The following CCDC180 variants were observed in gnomAD, a reference collection of about 807,000 sequenced individuals.
CCDC180 encodes coiled-coil domain-containing protein 180.
In CCDC180, 154 loss-of-function variants were observed where a neutral mutation model predicts 209.2. That is an observed-to-expected ratio of 0.74 (90% CI 0.65 to 0.84). The LOEUF (loss-of-function observed/expected upper bound fraction) is 0.84. Ranked by LOEUF, CCDC180 falls within the 40% of genes least tolerant of loss-of-function variation. The pLI, the probability that CCDC180 is intolerant of heterozygous loss-of-function variation, is 0.00. For synonymous variants in CCDC180, 778 were observed against 749.1 expected, an observed-to-expected ratio of 1.04 and a Z score of -0.63; for missense variants, 1,874 against 1,997.3, an observed-to-expected ratio of 0.94 and a Z score of 1.18.
intron 10 of CCDC180, among the ~76,000 whole-genome samples, chr9:97,318,877 G>A (rs963653119): frequency 6.6e-6 from 1 of 152,158 alleles, no homozygotes; most frequent in South Asian, 2.1e-4. Context: ...TGGCCAGGTG[G>A]AGGGATTTGG....
At chr9:97,309,893 C>T (rs868199376) in intron 3 of CCDC180, among the ~76,000 whole-genome samples, 2 of 152,178 alleles carry the variant, frequency 1.3e-5, no homozygotes, top group Admixed American at 6.5e-5. Flanking sequence ...CACATCCCCC[C>T]AATGGCAGAA....
rs532225203 is a variant in CCDC180, at chr9:97,377,256, T to C, written c.*362T>C. 2 of 169,404 alleles carry C rather than the reference T, an allele frequency of 1.2e-5. No homozygotes were observed. Among genetic ancestry groups the C allele is most frequent in the South Asian group, 3.2e-4 (2 of 6,262 alleles). 10.5% of individuals were successfully genotyped at this position (169,404 alleles called of 1,614,324 possible). A position where few individuals can be genotyped will look rare whatever the true frequency, so the allele number is the denominator to read the frequency against. On this transcript the variant is annotated 3_prime_UTR_variant, in exon 37 of 37. Coordinates refer to ENST00000529487, the MANE Select transcript of CCDC180 (RefSeq NM_020893.6). ...ATAAAGGTCATGGGAAAATGATATT[T>C]TAATTTAACAGAATAAACAAGTATG...
upstream of CCDC180, chr9:97,307,432 G>T (rs1046317211): frequency 1.7e-6 from 1 of 581,380 alleles, no homozygotes; most frequent in African/African-American, 1.8e-5. Context: ...CAATCTACCG[G>T]GCTCAGGGGG....
intron 3 of CCDC180, among the ~76,000 whole-genome samples, chr9:97,311,424 G>A (rs1278731213): frequency 3.3e-5 from 5 of 152,326 alleles, no homozygotes; most frequent in Admixed American, 1.3e-4. Context: ...CATATGGGGC[G>A]CCCAAGGAAT....
intron 25 of CCDC180, among the ~76,000 whole-genome samples, chr9:97,358,889 A>C (rs1454106502): frequency 6.6e-6 from 1 of 152,190 alleles, no homozygotes. Context: ...ATTAGCACTG[A>C]GAGGATGTTT....
rs1340211180 is a variant in CCDC180, at chr9:97,354,439, G to A, written c.3003-130G>A. ...CTACTCCTGTCCTTAAGCTATCTGT[G>A]TTCATTTTCCCACATCTTGAACTCT... On this transcript the variant is annotated intron_variant, in intron 22 of 36. Coordinates refer to ENST00000529487, the MANE Select transcript of CCDC180 (RefSeq NM_020893.6). 4.5e-6 allele frequency: 4 copies of A among 895,192 alleles called. No individual in the cohort carries two copies. In the African/African-American group the frequency reaches 5.1e-5, roughly 11 times the overall value. 55.5% of individuals were successfully genotyped at this position (895,192 alleles called of 1,614,324 possible). A position where few individuals can be genotyped will look rare whatever the true frequency, so the allele number is the denominator to read the frequency against.
In CCDC180 at chr9:97,350,534, T is replaced by C; in HGVS notation, c.2981T>C (p.Ile994Thr). 1.3e-6 allele frequency: 2 copies of C among 1,536,510 alleles called. No homozygotes were observed. Among genetic ancestry groups the C allele is most frequent in the Non-Finnish European group, 1.7e-6 (2 of 1,147,016 alleles). The part of the protein sequence containing the change: ...ESLGKLRYSN[I>T]EFIKHCRLFS... The stretch of plus-strand genomic sequence containing the variant: ...CTGGGCAAACTCCGCTACTCAAATA[T>C]TGAGTTCATCAAACACTGCAGGTGG... Residue 994 changes from isoleucine (I) to threonine (T), a missense_variant, in exon 22 of 37, where the codon ATT (isoleucine) becomes ACT (threonine). By Grantham distance (89) the Ile-to-Thr change is moderately conservative. Coordinates refer to ENST00000529487, the MANE Select transcript of CCDC180 (RefSeq NM_020893.6).
chr9:97,313,925 T>G (rs577419122), intron 5 of CCDC180, among the ~76,000 whole-genome samples: 7 of 152,338 alleles, frequency 4.6e-5, no homozygotes, highest in African/African-American at 1.7e-4. Flanking sequence ...TTGTCCTGCC[T>G]TGGATTCCTG....
chr9:97,370,353 T>C (rs1205326343), intron 32 of CCDC180, among the ~76,000 whole-genome samples: 1 of 152,166 alleles, frequency 6.6e-6, no homozygotes, highest in Non-Finnish European at 1.5e-5. Flanking sequence ...CAGCAATAAT[T>C]GTCCACACTG....
rs531569302 is a variant in CCDC180 at position 97,312,049 on chromosome 9, G to A, written c.261-64G>A. On this transcript the variant is annotated intron_variant, in intron 3 of 36. Transcript: ENST00000529487. ...GAGAACCACCCCTTGGTGCCCTTAT[G>A]TGCCAGAGCTGCCATGGATGGCATC... 2.9e-5 allele frequency: 42 copies of A among 1,432,436 alleles called. No individual in the cohort carries two copies. In the African/African-American group the frequency reaches 3.2e-4, roughly 11 times the overall value. The allele number at this position is 1,432,436 out of a possible 1,614,324, so 88.7% of individuals were successfully genotyped here.
chr9:97,317,341 C>T, intron 9 of CCDC180, 113 bp downstream of exon 9: 1 of 995,154 alleles, frequency 1.0e-6, no homozygotes, highest in Non-Finnish European at 1.4e-6. Context: ...CTGTTTCTCT[C>T]TGCTCTTTTT....
At chr9:97,335,153 T>C (rs1825864035) in intron 18 of CCDC180, among the ~76,000 whole-genome samples, 2 of 152,182 alleles carry the variant, frequency 1.3e-5, no homozygotes, top group Admixed American at 6.5e-5. Context: ...TTAAAAACTC[T>C]TTCCCATTTC....
chr9:97,320,142 A>G lies in CCDC180; in HGVS notation c.1096A>G (p.Ser366Gly), dbSNP rs534339787. Residue 366 changes from serine (S) to glycine (G), a missense_variant, in exon 11 of 37, where the codon AGT (serine) becomes GGT (glycine). By Grantham distance (56) the Ser-to-Gly change is moderately conservative (BLOSUM62 0). Transcript: ENST00000529487. ...CCTTCCCAGTGACCTCCTGCCCCCC[A>G]GTTACAGCAAAACTCAGCTGACTGA... ...LCTICDLLPP[S>G]YSKTQLTEWH... 7.1e-5 allele frequency: 115 copies of G among 1,614,062 alleles called. No individual in the cohort carries two copies. Among genetic ancestry groups the G allele is most frequent in the Non-Finnish European group, 8.6e-5 (102 of 1,180,010 alleles).
rs1827311783 is a variant in CCDC180 at position 97,378,483 on chromosome 9, A to C, written c.*1589A>C. 1 of 152,208 alleles carries C rather than the reference A, an allele frequency of 6.6e-6. No homozygotes were observed. The allele number at this position is 152,208 out of a possible 1,614,324, so 9.4% of individuals were successfully genotyped here. On this transcript the variant is annotated 3_prime_UTR_variant, in exon 37 of 37. Coordinates refer to ENST00000529487, the MANE Select transcript of CCDC180 (RefSeq NM_020893.6). ...TGAGACCAACAGGTCACAGGACAGC[A>C]CTTAACCTTACTAGAAAGGCTGCTT...
rs781011335 is a variant in CCDC180, at chr9:97,330,580, T to C, written c.2087T>C (p.Met696Thr). 1.9e-6 allele frequency: 3 copies of C among 1,613,586 alleles called. No individual in the cohort carries two copies. The highest frequency in any genetic ancestry group is 2.5e-6 in the Non-Finnish European group (3 of 1,179,962). ...KEGSIQGLEE[M>T]QVEREGSLNP... Reference sequence around the variant, plus strand: ...GGCTCTATTCAGGGACTGGAAGAAATGCAGGTTGAAAGAGAGGGCTCCTTA... The same window carrying C: ...GGCTCTATTCAGGGACTGGAAGAAACGCAGGTTGAAAGAGAGGGCTCCTTA... Residue 696 changes from methionine to threonine, a missense_variant, in exon 18 of 37, where the codon ATG becomes ACG. By Grantham distance (81) the Met-to-Thr change is moderately conservative. Coordinates refer to ENST00000529487, the MANE Select transcript of CCDC180 (RefSeq NM_020893.6).
chr9:97,366,020 A>G lies in CCDC180; in HGVS notation c.4047+281A>G, dbSNP rs559636873. ...CAAGCCCATCCTCTGTCCCCAAGGCACCCAGGCCCAGTGGAAAGCTGACAG... is the reference window on the plus strand; with the variant it reads ...CAAGCCCATCCTCTGTCCCCAAGGCGCCCAGGCCCAGTGGAAAGCTGACAG... On this transcript the variant is annotated intron_variant, in intron 30 of 36. Coordinates refer to ENST00000529487, the MANE Select transcript of CCDC180 (RefSeq NM_020893.6). The surrounding 1 kb of genome is among the most constrained non-coding windows in gnomAD (Gnocchi z 4.3). 6.6e-6 allele frequency among the ~76,000 whole-genome samples: 1 copy of G among 152,300 alleles called. No individual in the cohort carries two copies. The highest frequency in any genetic ancestry group is 2.1e-4 in the South Asian group (1 of 4,824).
intron 35 of CCDC180, among the ~76,000 whole-genome samples, chr9:97,375,228 C>G (rs1425888447): frequency 1.3e-5 from 2 of 152,204 alleles, no homozygotes; most frequent in Non-Finnish European, 1.5e-5. Context: ...TCCCCTTCCC[C>G]CCCCAGAACC....
rs1587812985 is a variant in CCDC180 at position 97,342,166 on chromosome 9, C to T, written c.2275-1174C>T. On this transcript the variant is annotated intron_variant, in intron 18 of 36. Transcript: ENST00000529487. Reference sequence around the variant, plus strand: ...GATGCCCCGCCCTTCTTCGGCTCACCCTCCGTGGGCTGCACCCACTTTCCA... The same window carrying T: ...GATGCCCCGCCCTTCTTCGGCTCACTCTCCGTGGGCTGCACCCACTTTCCA... Among the ~76,000 whole-genome samples the T allele has an allele frequency of 2.6e-5, 4 of 152,336 alleles. No homozygotes were observed. In the South Asian group the frequency reaches 8.3e-4, roughly 32 times the overall value.
At chr9:97,347,510 T>C (rs983621564) in intron 20 of CCDC180, 21 bp downstream of exon 20, 12 of 1,531,668 alleles carry the variant, frequency 7.8e-6, no homozygotes, top group Non-Finnish European at 9.6e-6. Context: ...TGCCTGGGAA[T>C]GTCTGCCCTG....
Sources: gnomAD v4.1 joint callset for allele counts (sites outside exome capture counted in the v4.1 genomes callset) on GRCh38, gnomAD v4.1.1 for gene constraint, Gnocchi (gnomAD v3.1) non-coding constraint, MANE v1.5 for transcripts, NCBI Gene and HGNC (gene_info 2026-07-23, HGNC 2026-07-21) for gene names.